Variants in ATP6V1H observed in about 807,000 individuals in gnomAD.
ATP6V1H encodes V-type proton ATPase subunit H.
A neutral mutation model predicts 71.7 loss-of-function variants in ATP6V1H; 39 were observed. That is an observed-to-expected ratio of 0.54 (90% CI 0.42 to 0.71). The LOEUF is 0.71. Among genes scored for constraint, ATP6V1H ranks in the 30% least tolerant of loss-of-function variants. The pLI is 0.00. For missense variants in ATP6V1H, 509 were observed against 594.9 expected (o/e 0.86, Z 1.50); for synonymous variants, 192 against 199.3 (o/e 0.96, Z 0.31).
chr8:53,802,727 G>GTAAA (rs1407292130), intron 7 of ATP6V1H, among the ~76,000 whole-genome samples: 9 of 151,456 alleles, frequency 5.9e-5, no homozygotes, highest in South Asian at 2.1e-4. Context: ...CTCAAAAAAA[G>GTAAA]TAAATAAATA....
In ATP6V1H at chr8:53,757,520, A is replaced by G. The variant is rs972650595; in HGVS notation, c.1176-864T>C. 3.9e-5 allele frequency among the ~76,000 whole-genome samples: 6 copies of G among 152,212 alleles called. No individual in the cohort carries two copies. The East Asian group carries it at 1.2e-3, about 29-fold the overall frequency. ...GCTCAAGGGCCTAGAAATAGATGGA[A>G]AACTTCTCAATTCATTCTAAAAGCA... On this transcript the variant is annotated intron_variant, in intron 11 of 13. Transcript: ENST00000359530.
intron 9 of ATP6V1H, among the ~76,000 whole-genome samples, chr8:53,789,264 G>A (rs1480406202): frequency 6.6e-6 from 1 of 152,180 alleles, no homozygotes; most frequent in Non-Finnish European, 1.5e-5. Context: ...AGGAAGAGAG[G>A]AGGAACTAAG....
At chr8:53,742,409 C>T (rs1807445900) in intron 13 of ATP6V1H, among the ~76,000 whole-genome samples, 1 of 152,172 alleles carries the variant, frequency 6.6e-6, no homozygotes, top group Admixed American at 6.5e-5. Flanking sequence ...TCATTCCCTC[C>T]ACCTAAAATG....
chr8:53,742,682 A>G (rs1807456005), intron 13 of ATP6V1H, among the ~76,000 whole-genome samples: 1 of 152,228 alleles, frequency 6.6e-6, no homozygotes, highest in African/African-American at 2.4e-5. Flanking sequence ...GGAACGTAAT[A>G]TGTAACACAT....
At chr8:53,800,726 T>C (rs1809882660) in intron 8 of ATP6V1H, among the ~76,000 whole-genome samples, 1 of 152,242 alleles carries the variant, frequency 6.6e-6, no homozygotes, top group Non-Finnish European at 1.5e-5. Context: ...TTTATGATAT[T>C]TGTGTATCAA....
chr8:53,806,898 G>T, intron 7 of ATP6V1H: 1 of 451,512 alleles, frequency 2.2e-6, no homozygotes, highest in Non-Finnish European at 4.4e-6. Flanking sequence ...GATACTTCAT[G>T]TACTATTTCT....
At chr8:53,784,459 A>G (rs1044229138) in intron 9 of ATP6V1H, among the ~76,000 whole-genome samples, 2 of 152,084 alleles carry the variant, frequency 1.3e-5, no homozygotes, top group Non-Finnish European at 2.9e-5. Flanking sequence ...TTTCCTGAAT[A>G]CAGCACACTG....
At chr8:53,760,650 G>A (rs1808239041) in intron 11 of ATP6V1H, among the ~76,000 whole-genome samples, 2 of 152,094 alleles carry the variant, frequency 1.3e-5, no homozygotes, top group African/African-American at 4.8e-5. Context: ...AGGAGGCAAG[G>A]ATCACGTTGC....
At chr8:53,796,498 TCAGAAATCATCAAATAAAAAAAAAAA>T (rs992864371) in intron 8 of ATP6V1H, among the ~76,000 whole-genome samples, 6 of 147,118 alleles carry the variant, frequency 4.1e-5, no homozygotes, top group Non-Finnish European at 7.4e-5. Flanking sequence ...AGAATAGAGT[TCAGAAATCATCAAATAAAAAAAAAAA>T]CAGAAATCAT....
intron 8 of ATP6V1H, 66 bp downstream of exon 8, chr8:53,801,733 T>A: frequency 7.8e-7 from 1 of 1,280,068 alleles, no homozygotes; most frequent in South Asian, 1.3e-5. Flanking sequence ...ATTACATATT[T>A]CTTTGAAAAT....
In ATP6V1H at chr8:53,811,161, T is replaced by G; in HGVS notation, c.579+3A>C. The G allele has an allele frequency of 6.2e-7, 1 of 1,612,662 alleles. No homozygotes were observed. Among genetic ancestry groups the G allele is most frequent in the African/African-American group, 1.3e-5 (1 of 75,000 alleles). ...GTTTAGGCCAGTGAAGGAATATACT[T>G]ACATCACTTGAAGAGACTGTTCCTG... On this transcript the variant is annotated splice_donor_region_variant and intron_variant, in intron 7 of 13. Coordinates refer to ENST00000359530, the MANE Select transcript of ATP6V1H (RefSeq NM_015941.4).
Position 53,786,186 on chromosome 8 carries a change from C to A in ATP6V1H, c.870+9461G>T, listed in dbSNP as rs113017006. Among the ~76,000 whole-genome samples, 11 of 152,304 alleles carry A rather than the reference C, an allele frequency of 7.2e-5. 1 individual carries two copies. The highest frequency in any genetic ancestry group is 2.6e-4 in the African/African-American group (11 of 41,578). The stretch of plus-strand genomic sequence containing the variant: ...CTCCTTGAGCTGTGGTGGGCTCCAC[C>A]CAGTTCAAGCTTCCAGGCCGCTTCG... On this transcript the variant is annotated intron_variant, in intron 9 of 13. Transcript: ENST00000359530.
chr8:53,790,490 A>C (rs943975784), intron 9 of ATP6V1H, among the ~76,000 whole-genome samples: 3 of 152,226 alleles, frequency 2.0e-5, no homozygotes, highest in African/African-American at 7.2e-5. Flanking sequence ...TTCATTTAGC[A>C]CATATTTTTC....
At chr8:53,738,502 C>T (rs1807306410) in intron 13 of ATP6V1H, among the ~76,000 whole-genome samples, 1 of 152,148 alleles carries the variant, frequency 6.6e-6, no homozygotes, top group African/African-American at 2.4e-5. Context: ...CTTTAAATCC[C>T]ACTTTAGGTA....
intron 13 of ATP6V1H, among the ~76,000 whole-genome samples, chr8:53,732,382 G>A (rs1050519686): frequency 2.6e-5 from 4 of 152,134 alleles, no homozygotes; most frequent in South Asian, 2.1e-4. Context: ...TAAAGTGCAC[G>A]TTACAGAACC....
At chr8:53,742,690 CAT>C (rs771090616) in intron 13 of ATP6V1H, among the ~76,000 whole-genome samples, 23 of 152,180 alleles carry the variant, frequency 1.5e-4, no homozygotes, top group Non-Finnish European at 2.9e-4. Flanking sequence ...ATATGTAACA[CAT>C]GATACCACAG....
At chr8:53,814,822 T>C (rs1585817549) in intron 5 of ATP6V1H, 56 bp from the exon 6 acceptor site, 1 of 1,203,566 alleles carries the variant, frequency 8.3e-7, no homozygotes, top group Non-Finnish European at 1.2e-6. Flanking sequence ...AATCACATCA[T>C]ATACCTTAAA....
intron 13 of ATP6V1H, among the ~76,000 whole-genome samples, chr8:53,738,416 C>T (rs1404421889): frequency 3.3e-5 from 5 of 152,122 alleles, no homozygotes; most frequent in Admixed American, 2.0e-4. Context: ...GCAATGAAAA[C>T]CAAAGCAAGT....
chr8:53,793,945 CA>C (rs971488936), intron 9 of ATP6V1H, among the ~76,000 whole-genome samples: 15 of 151,236 alleles, frequency 9.9e-5, no homozygotes, highest in African/African-American at 3.6e-4. Context: ...TTTAAAAAAA[CA>C]AAAAAAAGTG....
Sources: gnomAD v4.1 joint callset for allele counts (sites outside exome capture counted in the v4.1 genomes callset) on GRCh38, gnomAD v4.1.1 for gene constraint, MANE v1.5 for transcripts, NCBI Gene and HGNC (gene_info 2026-07-23, HGNC 2026-07-21) for gene names.